The following STK10 variants were observed in gnomAD, a reference collection of about 807,000 sequenced individuals.
STK10 encodes the protein serine/threonine-protein kinase 10.
Under a neutral mutation model 113.8 loss-of-function variants are expected in STK10, and 78 were observed. The ratio of observed to expected loss-of-function variants is 0.69; its 90% CI spans 0.57 to 0.83. The LOEUF is 0.83. Among genes scored for constraint, STK10 ranks in the 40% least tolerant of loss-of-function variants. STK10 has a pLI of 0.00. For synonymous variants in STK10, 465 were observed against 494.7 expected, an observed-to-expected ratio of 0.94 and a Z score of 0.80; for missense variants, 1,109 against 1,280.1, an observed-to-expected ratio of 0.87 and a Z score of 2.04.
intron 7 of STK10, among the ~76,000 whole-genome samples, chr5:172,100,290 C>T (rs73321876): frequency 0.01 from 1,572 of 152,300 alleles, 29 homozygotes; most frequent in African/African-American, 0.035. Context: ...AACTTGACCT[C>T]CCAGTCCTTC....
chr5:172,120,038 G>A lies in STK10; in HGVS notation c.371-2408C>T, dbSNP rs116378389. On this transcript the variant is annotated intron_variant, in intron 3 of 18. Coordinates refer to ENST00000176763, the MANE Select transcript of STK10 (RefSeq NM_005990.4). The surrounding 1 kb of genome is among the most constrained non-coding windows in gnomAD (Gnocchi z 4.0). ...GACAGATTAGGGAGGTGGAGCTGGC[G>A]GAATGTGGAGGCGGTGGGAGGAGGG... is the stretch of plus-strand genomic sequence containing the variant. Among the ~76,000 whole-genome samples, 2,092 of 152,118 alleles carry A rather than the reference G, an allele frequency of 0.014. 50 individuals carry two copies. Among genetic ancestry groups the A allele is most frequent in the African/African-American group, 0.047 (1,946 of 41,482 alleles).
At chr5:172,152,161 T>G (rs1250030786) in intron 2 of STK10, among the ~76,000 whole-genome samples, 1 of 152,246 alleles carries the variant, frequency 6.6e-6, no homozygotes, top group Admixed American at 6.5e-5. Flanking sequence ...TCTCATCTAC[T>G]TCTTCACTGG....
chr5:172,056,929 GGA>G (rs2113694489), intron 15 of STK10: 1 of 104,756 alleles, frequency 9.5e-6, no homozygotes, highest in South Asian at 2.5e-4. Context: ...AAGGAAGGAA[GGA>G]AAGAAAAGAA....
chr5:172,134,816 T>TG (rs1769820058), intron 2 of STK10, among the ~76,000 whole-genome samples: 1 of 150,632 alleles, frequency 6.6e-6, no homozygotes, highest in Non-Finnish European at 1.5e-5. Flanking sequence ...CCCAGATACT[T>TG]GGGGGGCTGA....
intron 18 of STK10, chr5:172,045,395 T>C (rs1424621637): frequency 2.1e-6 from 1 of 478,570 alleles, no homozygotes; most frequent in Non-Finnish European, 4.1e-6. Context: ...AGCAGAGATG[T>C]CAGAAGTTTT....
chr5:172,061,353 C>T lies in STK10; in HGVS notation c.2083-85G>A, dbSNP rs534135779. ...CTTCCTATTATGGGAGAAAAGCCCGCGTGATCAGAGAAGAAAATGCAGGAA... is the reference window on the plus strand; with the variant it reads ...CTTCCTATTATGGGAGAAAAGCCCGTGTGATCAGAGAAGAAAATGCAGGAA... On this transcript the variant is annotated intron_variant, in intron 13 of 18. Coordinates refer to ENST00000176763, the MANE Select transcript of STK10 (RefSeq NM_005990.4). 2.6e-5 allele frequency: 39 copies of T among 1,479,912 alleles called. No individual in the cohort carries two copies. The Admixed American group carries it at 4.8e-4, about 18-fold the overall frequency. 91.7% of individuals were successfully genotyped at this position (1,479,912 alleles called of 1,614,324 possible).
intron 2 of STK10, among the ~76,000 whole-genome samples, chr5:172,148,725 T>A (rs893027334): frequency 6.6e-6 from 1 of 152,190 alleles, no homozygotes; most frequent in Non-Finnish European, 1.5e-5. Flanking sequence ...CTGTTCCCAG[T>A]GATGCCCAGA....
Position 172,093,344 on chromosome 5 carries a change from C to A in STK10, c.1554+68G>T, listed in dbSNP as rs959984870. ...GGAAGCCCCTAAATGCTTTTGAAAC[C>A]AAAATGGAGCCACAGAACATCCTGC... On this transcript the variant is annotated intron_variant, in intron 9 of 18. Transcript: ENST00000176763. The surrounding 1 kb of genome is among the most constrained non-coding windows in gnomAD (Gnocchi z 4.1). The A allele has an allele frequency of 6.6e-7, 1 of 1,505,030 alleles. No individual in the cohort carries two copies. The highest frequency in any genetic ancestry group is 1.4e-5 in the African/African-American group (1 of 71,614). 93.2% of individuals were successfully genotyped at this position (1,505,030 alleles called of 1,614,324 possible).
Position 172,043,488 on chromosome 5 carries a change from G to A in STK10, c.*1394C>T, listed in dbSNP as rs1420995273. On this transcript the variant is annotated 3_prime_UTR_variant, in exon 19 of 19. Coordinates refer to ENST00000176763, the MANE Select transcript of STK10 (RefSeq NM_005990.4). ...ATTACTCCAAATCATTACCAGTTTT[G>A]TGTTGTTGTTCTTGTTTGTTGTTTT... 1.3e-5 allele frequency: 2 copies of A among 152,276 alleles called. No homozygotes were observed. Among genetic ancestry groups the A allele is most frequent in the South Asian group, 2.1e-4 (1 of 4,824 alleles). 9.4% of individuals were successfully genotyped at this position (152,276 alleles called of 1,614,324 possible).
intron 1 of STK10, among the ~76,000 whole-genome samples, chr5:172,171,761 G>GAATA (rs59355985): frequency 1.3e-5 from 2 of 152,144 alleles, no homozygotes; most frequent in South Asian, 2.1e-4. Flanking sequence ...GAATAGAATA[G>GAATA]GCTGGGTCCA....
At chr5:172,096,606 G>A (rs758474521) in intron 7 of STK10, 46 bp from the exon 8 acceptor site, 11 of 1,601,986 alleles carry the variant, frequency 6.9e-6, no homozygotes, top group East Asian at 4.5e-5. Context: ...CTGGGGTCAC[G>A]GTGGGGTGGA....
Position 172,171,670 on chromosome 5 carries a change from G to A in STK10, c.157-14882C>T, listed in dbSNP as rs76280390. ...GCAGAGGTTGCAGTAAGCCAAGATC[G>A]CGTTACTGCACTCCAACCTGAGCGA... On this transcript the variant is annotated intron_variant, in intron 1 of 18. Transcript: ENST00000176763. 6.0e-3 allele frequency among the ~76,000 whole-genome samples: 909 copies of A among 151,044 alleles called. 20 individuals are homozygous for A. The highest frequency in any genetic ancestry group is 0.039 in the East Asian group (203 of 5,162).
intron 1 of STK10, among the ~76,000 whole-genome samples, chr5:172,158,349 A>G (rs2113819881): frequency 6.6e-6 from 1 of 152,336 alleles, no homozygotes; most frequent in African/African-American, 2.4e-5. Flanking sequence ...AAAGTGTGGA[A>G]ACAATCCAAG....
At position 172,068,150 on chromosome 5, in the gene STK10, C is replaced by T. The variant is rs559088078; in HGVS notation, c.1990-3338G>A. 4.6e-5 allele frequency among the ~76,000 whole-genome samples: 7 copies of T among 152,174 alleles called. No homozygotes were observed. In the South Asian group the frequency reaches 1.2e-3, roughly 27 times the overall value. On this transcript the variant is annotated intron_variant, in intron 12 of 18. Coordinates refer to ENST00000176763, the MANE Select transcript of STK10 (RefSeq NM_005990.4). ...GGTCAGGAATTCAAGACAAGCCTGG[C>T]CAAGATGGTGAAACCCTGTCTCTAC...
At chr5:172,055,474 G>T in intron 16 of STK10, 114 bp downstream of exon 16, 1 of 1,123,486 alleles carries the variant, frequency 8.9e-7, no homozygotes, top group Non-Finnish European at 1.1e-6. Context: ...ACAGACGTGA[G>T]CCAGCCTGCA....
In STK10 at chr5:172,169,628, T is replaced by C. The variant is rs75949615; in HGVS notation, c.157-12840A>G. Among the ~76,000 whole-genome samples the C allele has an allele frequency of 1.1e-4, 17 of 152,156 alleles. No homozygotes were observed. In the East Asian group the frequency reaches 2.9e-3, roughly 26 times the overall value. On this transcript the variant is annotated intron_variant, in intron 1 of 18. Coordinates refer to ENST00000176763, the MANE Select transcript of STK10 (RefSeq NM_005990.4). Reference sequence around the variant, plus strand: ...GTATGAGAGGGATAAAGGAATGACATGTATGTCCAGGGAGTAGACAATTAT... The same window carrying C: ...GTATGAGAGGGATAAAGGAATGACACGTATGTCCAGGGAGTAGACAATTAT...
chr5:172,178,301 C>T (rs957042391), intron 1 of STK10, among the ~76,000 whole-genome samples: 1 of 152,180 alleles, frequency 6.6e-6, no homozygotes, highest in Admixed American at 6.5e-5. Context: ...GCTCAACGGC[C>T]AGCAGTCAGC....
intron 2 of STK10, among the ~76,000 whole-genome samples, chr5:172,155,633 C>A (rs1310906594): frequency 1.3e-5 from 2 of 151,544 alleles, no homozygotes; most frequent in African/African-American, 4.9e-5. Flanking sequence ...AAGGAAATAG[C>A]CTAAATGCCC....
chr5:172,127,310 C>G (rs1769642911), intron 3 of STK10, 63 bp downstream of exon 3: 1 of 1,590,172 alleles, frequency 6.3e-7, no homozygotes. Context: ...GTCCAGCAGT[C>G]AGGCTTAGGA....
Sources: allele counts gnomAD v4.1 joint callset (sites outside exome capture counted in the v4.1 genomes callset), GRCh38; gene constraint gnomAD v4.1.1; non-coding constraint Gnocchi (gnomAD v3.1); transcripts MANE v1.5; gene names NCBI Gene and HGNC (gene_info 2026-07-23, HGNC 2026-07-21).